MCF2L2: variants seen among roughly 807,000 people sequenced by gnomAD.
The protein encoded by MCF2L2 is MCF.2 cell line derived transforming sequence-like 2, also known as probable guanine nucleotide exchange factor MCF2L2.
Under a neutral mutation model 150.2 loss-of-function variants are expected in MCF2L2, and 102 were observed. That is an observed-to-expected ratio of 0.68 (90% CI 0.58 to 0.80). The LOEUF (loss-of-function observed/expected upper bound fraction) is 0.80, where lower values mean the gene tolerates loss of function less well. Among genes scored for constraint, MCF2L2 ranks in the 30% least tolerant of loss-of-function variants. MCF2L2 has a pLI of 0.00. For missense variants in MCF2L2, 1,256 were observed against 1,372.8 expected, an observed-to-expected ratio of 0.91 and a Z score of 1.34; for synonymous variants, 465 against 491.3, an observed-to-expected ratio of 0.95 and a Z score of 0.71.
chr3:183,281,046 A>G (rs2108466241), intron 14 of MCF2L2, among the ~76,000 whole-genome samples: 1 of 152,282 alleles, frequency 6.6e-6, no homozygotes, highest in South Asian at 2.1e-4. Flanking sequence ...GAATGATAAT[A>G]AAATGTTAAA....
intron 14 of MCF2L2, chr3:183,287,402 C>A (rs1346659005): frequency 2.6e-5 from 4 of 152,302 alleles, no homozygotes; most frequent in Admixed American, 6.5e-5. Flanking sequence ...GGGGCCAAAT[C>A]TGAGCTGTGA....
At chr3:183,360,996 AAGAAAAGAAAAGAAAAGAAAAGAAAAG>A (rs1712125566) in intron 3 of MCF2L2, among the ~76,000 whole-genome samples, 1 of 132,546 alleles carries the variant, frequency 7.5e-6, no homozygotes, top group African/African-American at 4.0e-5. Context: ...AAGAAAAGAA[AAGAAAAGAAAAGAAAAGAAAAGAAAAG>A]AGAAAAGAAA....
chr3:183,296,328 ACCTTGCCTG>A (rs1412758286), intron 12 of MCF2L2: 1 of 152,658 alleles, frequency 6.6e-6, no homozygotes, highest in Non-Finnish European at 1.5e-5. Flanking sequence ...CACAAAGCCT[ACCTTGCCTG>A]CCTCTCTCTA....
chr3:183,373,189 G>A (rs1246985796), intron 3 of MCF2L2: 3 of 152,148 alleles, frequency 2.0e-5, no homozygotes, highest in African/African-American at 7.2e-5. Flanking sequence ...TATAGCAGAC[G>A]GCACCTGATG....
At chr3:183,310,707 C>A (rs1032552027) in intron 9 of MCF2L2, 11 of 549,730 alleles carry the variant, frequency 2.0e-5, no homozygotes, top group Non-Finnish European at 3.6e-5. Flanking sequence ...CCATGTACAT[C>A]AACAGGTAAA....
rs764634415 is a variant in MCF2L2, at chr3:183,219,933, AC to A, written c.2302-10del. 3 of 1,604,494 alleles carry A rather than the reference AC, an allele frequency of 1.9e-6. No homozygotes were observed. Among genetic ancestry groups the A allele is most frequent in the South Asian group, 1.1e-5 (1 of 89,940 alleles). The stretch of plus-strand genomic sequence containing the variant: ...TCGAAATCCAGCAGACCCTGCATTA[AC>A]CCAAAAGTCTTGTTGAAAATTAAAA... On this transcript the variant is annotated splice_polypyrimidine_tract_variant and intron_variant, in intron 20 of 29. Transcript: ENST00000328913.
chr3:183,372,744 GAT>G (rs1477768119), intron 3 of MCF2L2: 1 of 152,128 alleles, frequency 6.6e-6, no homozygotes, highest in African/African-American at 2.4e-5. Flanking sequence ...ATTAACCATT[GAT>G]ATGAAATACT....
At chr3:183,323,132 G>A in intron 6 of MCF2L2, 103 bp downstream of exon 6, 1 of 729,324 alleles carries the variant, frequency 1.4e-6, no homozygotes, top group South Asian at 2.1e-5. Context: ...CCAAGGTCAG[G>A]CAGTCACAGG....
At chr3:183,361,038 A>AGAAAG (rs1269624415) in intron 3 of MCF2L2, among the ~76,000 whole-genome samples, 1 of 150,100 alleles carries the variant, frequency 6.7e-6, no homozygotes, top group Admixed American at 6.6e-5. Context: ...AAGAAAAGGA[A>AGAAAG]GAAAGGAAAG....
chr3:183,349,761 C>G (rs1272704635), intron 3 of MCF2L2, among the ~76,000 whole-genome samples: 1 of 152,248 alleles, frequency 6.6e-6, no homozygotes. Context: ...ACTCAGCTGT[C>G]TGATACTGAT....
chr3:183,195,106 C>A lies in MCF2L2; in HGVS notation c.2918+116G>T, dbSNP rs529178495. 9.0e-6 allele frequency: 8 copies of A among 892,858 alleles called. No homozygotes were observed. In the Admixed American group the frequency reaches 1.6e-4, roughly 18 times the overall value. 55.3% of individuals were successfully genotyped at this position (892,858 alleles called of 1,614,324 possible). A position where few individuals can be genotyped will look rare whatever the true frequency, so the allele number is the denominator to read the frequency against. On this transcript the variant is annotated intron_variant, in intron 26 of 29. Transcript: ENST00000328913. ...CCAATATTTTTTAAAAATTGGAAAT[C>A]CCTTGTAATAAGCCAAGTGTTGGGG...
At chr3:183,402,501 G>T (rs1714823016) in intron 1 of MCF2L2, among the ~76,000 whole-genome samples, 1 of 149,274 alleles carries the variant, frequency 6.7e-6, no homozygotes, top group South Asian at 2.1e-4. Flanking sequence ...GGGTAGAAGG[G>T]TTAAGAAAAT....
rs180768931 is a variant in MCF2L2 at position 183,388,505 on chromosome 3, G to T, written c.160+1191C>A. 1.6e-3 allele frequency among the ~76,000 whole-genome samples: 237 copies of T among 152,200 alleles called. 1 individual carries two copies. The highest frequency in any genetic ancestry group is 2.8e-3 in the Non-Finnish European group (191 of 68,022). ...AATGGTGCCTAACTAGGCATCTGGG[G>T]AGCAGGGAGACCACCGGCCTCGCAG... On this transcript the variant is annotated intron_variant, in intron 2 of 29. Transcript: ENST00000328913.
chr3:183,226,475 T>C (rs1000646016), intron 18 of MCF2L2: 2 of 152,192 alleles, frequency 1.3e-5, no homozygotes, highest in African/African-American at 4.8e-5. Flanking sequence ...TTGTATTTTG[T>C]CTCTAACATC....
At chr3:183,357,614 A>G (rs544019777) in intron 3 of MCF2L2, among the ~76,000 whole-genome samples, 40 of 152,296 alleles carry the variant, frequency 2.6e-4, no homozygotes, top group African/African-American at 9.6e-4. Flanking sequence ...CCATGTCCTC[A>G]AGGGGAAAAA....
chr3:183,264,811 T>C (rs1345613107), intron 15 of MCF2L2, among the ~76,000 whole-genome samples: 1 of 152,206 alleles, frequency 6.6e-6, no homozygotes, highest in Non-Finnish European at 1.5e-5. Context: ...CCCAAAAAGT[T>C]TAAAGAGCTC....
In MCF2L2 at chr3:183,179,187, C is replaced by T; in HGVS notation, c.*193G>A. 1.5e-6 allele frequency: 1 copy of T among 685,758 alleles called. No homozygotes were observed. Among genetic ancestry groups the T allele is most frequent in the Non-Finnish European group, 2.1e-6 (1 of 471,374 alleles). 42.5% of individuals were successfully genotyped at this position (685,758 alleles called of 1,614,324 possible). A position where few individuals can be genotyped will look rare whatever the true frequency, so the allele number is the denominator to read the frequency against. ...AGGCGCCTTAGAGCAGCTCCGAGGT[C>T]CCCCGTGCGGAGCTAGGCGCGCACC... is the stretch of plus-strand genomic sequence containing the variant. On this transcript the variant is annotated 3_prime_UTR_variant, in exon 30 of 30. Transcript: ENST00000328913. The surrounding 1 kb of genome is among the most constrained non-coding windows in gnomAD (Gnocchi z 4.2).
At chr3:183,208,860 A>T (rs1722587929) in intron 22 of MCF2L2, among the ~76,000 whole-genome samples, 2 of 152,334 alleles carry the variant, frequency 1.3e-5, no homozygotes, top group South Asian at 4.1e-4. Context: ...TATCTTTTTT[A>T]AAAAGGAATT....
chr3:183,296,871 C>T, intron 12 of MCF2L2, 105 bp downstream of exon 12: 2 of 1,283,716 alleles, frequency 1.6e-6, no homozygotes, highest in Non-Finnish European at 2.1e-6. Flanking sequence ...CCACTCAATT[C>T]AGCCTGCTCA....
Sources: gnomAD v4.1 joint callset for allele counts (sites outside exome capture counted in the v4.1 genomes callset) on GRCh38, gnomAD v4.1.1 for gene constraint, Gnocchi (gnomAD v3.1) non-coding constraint, MANE v1.5 for transcripts, NCBI Gene and HGNC (gene_info 2026-07-23, HGNC 2026-07-21) for gene names.